ARNT2: variants seen among roughly 807,000 people sequenced by gnomAD.
ARNT2 encodes the protein aryl hydrocarbon receptor nuclear translocator 2, also known as ARNT protein 2.
A neutral mutation model predicts 91.7 loss-of-function variants in ARNT2; 36 were observed. The ratio of observed to expected loss-of-function variants is 0.39; its 90% CI spans 0.30 to 0.52. The LOEUF is 0.52. Ranked by LOEUF, ARNT2 falls within the 20% of genes least tolerant of loss-of-function variation. The pLI is 0.72. For missense variants in ARNT2, 775 were observed against 939.3 expected (o/e 0.83, Z 2.29); for synonymous variants, 365 against 347.1 (o/e 1.05, Z -0.57).
chr15:80,562,229 G>A (rs193101449), intron 11 of ARNT2, among the ~76,000 whole-genome samples: 1 of 152,084 alleles, frequency 6.6e-6, no homozygotes, highest in East Asian at 1.9e-4. Flanking sequence ...CATGGGGCCT[G>A]GCTGGTTTTC....
intron 5 of ARNT2, among the ~76,000 whole-genome samples, chr15:80,494,879 G>T (rs74759631): frequency 0.073 from 11,089 of 152,202 alleles, 416 homozygotes; most frequent in Middle Eastern, 0.13. Flanking sequence ...ATTCTCTGCA[G>T]AGTTTTGCTG....
intron 16 of ARNT2, 117 bp downstream of exon 16, chr15:80,580,666 A>C (rs1596024232): frequency 7.4e-7 from 1 of 1,353,778 alleles, no homozygotes; most frequent in Non-Finnish European, 1.0e-6. Context: ...GGAACCAACC[A>C]CCCTAACAGC....
intron 3 of ARNT2, among the ~76,000 whole-genome samples, chr15:80,462,412 AAG>A (rs1203098589): frequency 1.3e-5 from 2 of 152,228 alleles, no homozygotes; most frequent in African/African-American, 4.8e-5. Flanking sequence ...ATTAAAACAA[AAG>A]AGAGGAAACA....
At chr15:80,491,792 A>C (rs1897059809) in intron 5 of ARNT2, among the ~76,000 whole-genome samples, 4 of 137,636 alleles carry the variant, frequency 2.9e-5, no homozygotes, top group Non-Finnish European at 4.6e-5. Flanking sequence ...TTCTCAGGAC[A>C]GGCCTTTTTT....
intron 12 of ARNT2, among the ~76,000 whole-genome samples, chr15:80,563,444 G>A (rs765355861): frequency 3.3e-5 from 5 of 152,166 alleles, no homozygotes; most frequent in Non-Finnish European, 7.3e-5. Context: ...TGATTTGTGA[G>A]AAACAAAAGA....
At chr15:80,495,374 T>G (rs1897112781) in intron 5 of ARNT2, among the ~76,000 whole-genome samples, 1 of 152,260 alleles carries the variant, frequency 6.6e-6, no homozygotes, top group African/African-American at 2.4e-5. Flanking sequence ...AGGTTCCAAG[T>G]TGAGGTGTCT....
intron 12 of ARNT2, among the ~76,000 whole-genome samples, chr15:80,565,113 T>C (rs1165413817): frequency 1.3e-5 from 2 of 152,072 alleles, no homozygotes; most frequent in Admixed American, 6.6e-5. Flanking sequence ...TTAGCAGAGA[T>C]GGGGTTTTGC....
chr15:80,423,776 CAGAGAGAGAG>C (rs3054951), intron 1 of ARNT2, among the ~76,000 whole-genome samples: 2 of 148,614 alleles, frequency 1.3e-5, no homozygotes, highest in African/African-American at 5.0e-5. Context: ...GAGAAAGAGG[CAGAGAGAGAG>C]AGAGAGAGAG....
At chr15:80,435,548 C>T (rs1375830790) in intron 1 of ARNT2, among the ~76,000 whole-genome samples, 1 of 152,176 alleles carries the variant, frequency 6.6e-6, no homozygotes, top group Admixed American at 6.5e-5. Context: ...AGCTGCCCCC[C>T]TCCCATGCAC....
In ARNT2 at chr15:80,526,389, C is replaced by G. The variant is rs147006180; in HGVS notation, c.877+11984C>G. ...ACCTGAAGATGTGAATTGCTTCTAC[C>G]CCATTGTTATCACCCAGCACCTTGA... On this transcript the variant is annotated intron_variant, in intron 8 of 18. Transcript: ENST00000303329. Among the ~76,000 whole-genome samples, 758 of 152,310 alleles carry G rather than the reference C, an allele frequency of 5.0e-3. 30 individuals carry two copies. The highest frequency in any genetic ancestry group is 0.046 in the Admixed American group (702 of 15,300).
intron 5 of ARNT2, among the ~76,000 whole-genome samples, chr15:80,498,590 A>C (rs1199753102): frequency 6.6e-6 from 1 of 152,198 alleles, no homozygotes. Flanking sequence ...ACCTCCTATA[A>C]CTCCACCAAA....
chr15:80,541,980 T>C (rs1235855515), intron 8 of ARNT2, among the ~76,000 whole-genome samples: 1 of 152,206 alleles, frequency 6.6e-6, no homozygotes, highest in East Asian at 1.9e-4. Flanking sequence ...TCGTCAGTGT[T>C]GGTGTCAGGG....
At chr15:80,577,138 T>C (rs565368124) in intron 15 of ARNT2, among the ~76,000 whole-genome samples, 173 bp downstream of exon 15, 1 of 152,292 alleles carries the variant, frequency 6.6e-6, no homozygotes, top group South Asian at 2.1e-4. Context: ...GTGAGCCCTC[T>C]ATGAGTTGCC....
In ARNT2 at chr15:80,559,444, C is replaced by T. The variant is rs1022451990; in HGVS notation, c.1165-3644C>T. On this transcript the variant is annotated intron_variant, in intron 11 of 18. Coordinates refer to ENST00000303329, the MANE Select transcript of ARNT2 (RefSeq NM_014862.4). ...CGTGCTTGTGTTCTTTGGTCTCCGG[C>T]CACTGACAGCCAAGGTGGGGGTCAA... 5.9e-5 allele frequency among the ~76,000 whole-genome samples: 9 copies of T among 152,172 alleles called. 1 individual carries two copies. The highest frequency in any genetic ancestry group is 2.6e-4 in the Admixed American group (4 of 15,282).
chr15:80,427,813 G>A (rs11633642), intron 1 of ARNT2, among the ~76,000 whole-genome samples: 41,316 of 152,148 alleles, frequency 0.27, 6,042 homozygotes, highest in Non-Finnish European at 0.35. Context: ...GACAGTCCCA[G>A]CTCTTCGATA....
At chr15:80,585,929 G>A (rs932374798) in intron 17 of ARNT2, among the ~76,000 whole-genome samples, 2 of 152,208 alleles carry the variant, frequency 1.3e-5, no homozygotes, top group African/African-American at 2.4e-5. Flanking sequence ...GCCTAACGCT[G>A]CACTCGCTGA....
intron 12 of ARNT2, among the ~76,000 whole-genome samples, chr15:80,569,334 T>C (rs939875837): frequency 6.6e-6 from 1 of 152,248 alleles, no homozygotes; most frequent in Non-Finnish European, 1.5e-5. Context: ...AGGGCAGCAC[T>C]GGCTGTGGTA....
intron 5 of ARNT2, among the ~76,000 whole-genome samples, chr15:80,491,607 G>A (rs1362413277): frequency 2.0e-5 from 3 of 152,124 alleles, no homozygotes; most frequent in African/African-American, 7.2e-5. Flanking sequence ...AGTGCAAGAA[G>A]CAGTCCCTGA....
chr15:80,431,724 C>G (rs1202467334), intron 1 of ARNT2, among the ~76,000 whole-genome samples: 1 of 152,190 alleles, frequency 6.6e-6, no homozygotes, highest in East Asian at 1.9e-4. Context: ...GTTGTTGTCC[C>G]TACTTATCCA....
Sources: gnomAD v4.1 joint callset for allele counts (sites outside exome capture counted in the v4.1 genomes callset) on GRCh38, gnomAD v4.1.1 for gene constraint, MANE v1.5 for transcripts, NCBI Gene and HGNC (gene_info 2026-07-23, HGNC 2026-07-21) for gene names.